Variants in DAAM1 observed in about 807,000 individuals in gnomAD.
DAAM1 encodes the protein dishevelled associated activator of morphogenesis 1.
A neutral mutation model predicts 130.0 loss-of-function variants in DAAM1; 52 were observed. The ratio of observed to expected loss-of-function variants is 0.40; its 90% confidence interval spans 0.32 to 0.50. The LOEUF is 0.50. Among genes scored for constraint, DAAM1 ranks in the 20% least tolerant of loss-of-function variants. The pLI is 0.61. For synonymous variants in DAAM1, 452 were observed against 444.5 expected, an observed-to-expected ratio of 1.02 and a Z score of -0.21; for missense variants, 1,134 against 1,303.8, an observed-to-expected ratio of 0.87 and a Z score of 2.01.
intron 1 of DAAM1, among the ~76,000 whole-genome samples, chr14:59,230,305 T>A (rs1028197824): frequency 4.2e-5 from 3 of 71,906 alleles, no homozygotes; most frequent in Non-Finnish European, 1.0e-4. Context: ...GCTTAGAGGC[T>A]TTTTTTTTTT....
chr14:59,253,344 G>A (rs918972449), intron 1 of DAAM1, among the ~76,000 whole-genome samples: 3 of 152,208 alleles, frequency 2.0e-5, no homozygotes, highest in South Asian at 2.1e-4. Flanking sequence ...AGGCATCTTC[G>A]TGAGAAAGTT....
intron 1 of DAAM1, among the ~76,000 whole-genome samples, chr14:59,232,505 A>G (rs1396518896): frequency 6.6e-6 from 1 of 152,166 alleles, no homozygotes; most frequent in Non-Finnish European, 1.5e-5. Context: ...AACATGTTGA[A>G]ATTCTGTACC....
chr14:59,229,316 T>G (rs1252982), intron 1 of DAAM1, among the ~76,000 whole-genome samples: 29,244 of 152,184 alleles, frequency 0.19, 3,363 homozygotes, highest in African/African-American at 0.31. Flanking sequence ...TTGTTACCTC[T>G]TTAGTCCTAA....
chr14:59,232,285 A>G (rs764412201), intron 1 of DAAM1, among the ~76,000 whole-genome samples: 1 of 152,190 alleles, frequency 6.6e-6, no homozygotes, highest in Non-Finnish European at 1.5e-5. Context: ...GAATATCGAA[A>G]CTACTGGTTC....
chr14:59,306,504 T>C (rs887773310), intron 3 of DAAM1, among the ~76,000 whole-genome samples: 5 of 152,188 alleles, frequency 3.3e-5, no homozygotes, highest in African/African-American at 4.8e-5. Flanking sequence ...GTATTAATGC[T>C]ATCACAGAGT....
chr14:59,348,317 G>A (rs182404905), intron 17 of DAAM1, among the ~76,000 whole-genome samples: 2 of 152,160 alleles, frequency 1.3e-5, no homozygotes, highest in Admixed American at 6.6e-5. Context: ...GCATTTCTTT[G>A]TAGCCTCTCC....
intron 5 of DAAM1, among the ~76,000 whole-genome samples, chr14:59,321,792 C>G (rs1364128041): frequency 1.3e-5 from 2 of 152,230 alleles, no homozygotes; most frequent in Non-Finnish European, 2.9e-5. Flanking sequence ...GAGATCTAGA[C>G]TATCCTAACT....
At chr14:59,253,288 C>T (rs189103065) in intron 1 of DAAM1, among the ~76,000 whole-genome samples, 305 of 152,286 alleles carry the variant, frequency 2.0e-3, no homozygotes, top group Non-Finnish European at 3.5e-3. Context: ...TCTGCGGCTG[C>T]CTATGTGATA....
intron 1 of DAAM1, among the ~76,000 whole-genome samples, chr14:59,256,867 A>T (rs1362038406): frequency 6.6e-6 from 1 of 152,158 alleles, no homozygotes; most frequent in Non-Finnish European, 1.5e-5. Flanking sequence ...TGTATTGAGG[A>T]GGTTCAGATC....
At position 59,330,521 on chromosome 14, in the gene DAAM1, A is replaced by C. The variant is rs191537212; in HGVS notation, c.1393A>C (p.Lys465Gln). 1 of 1,611,510 alleles carries C rather than the reference A, an allele frequency of 6.2e-7. No homozygotes were observed. Among genetic ancestry groups the C allele is most frequent in the Admixed American group, 1.7e-5 (1 of 59,518 alleles). ...TGTAGAGCACAATGAGCTACAACAG[A>C]AACTGGAAAAGAAAGAACGAGAATG... ...MRKEHNELQQ[K>Q]LEKKERECDA... is the part of the protein sequence containing the mutation. Residue 465 changes from lysine (K) to glutamine (Q), a missense_variant, in exon 13 of 25, where the codon AAA becomes CAA. By Grantham distance (53) the Lys-to-Gln change is moderately conservative. This residue lies in a region of DAAM1 where 391 missense variants were observed against 521.6 expected (regional missense o/e 0.75). Transcript: ENST00000360909.
intron 2 of DAAM1, among the ~76,000 whole-genome samples, chr14:59,275,042 C>G (rs1594793756): frequency 6.6e-6 from 1 of 152,168 alleles, no homozygotes; most frequent in Non-Finnish European, 1.5e-5. Flanking sequence ...AGCAGCCAAA[C>G]AATCCTCTTG....
At chr14:59,202,710 G>T (rs1888144921) in intron 1 of DAAM1, among the ~76,000 whole-genome samples, 1 of 152,150 alleles carries the variant, frequency 6.6e-6, no homozygotes, top group South Asian at 2.1e-4. Flanking sequence ...CCAATGAAAT[G>T]CTCTTTGCGT....
intron 18 of DAAM1, among the ~76,000 whole-genome samples, chr14:59,353,370 G>C (rs1231472321): frequency 6.6e-6 from 1 of 152,218 alleles, no homozygotes; most frequent in Non-Finnish European, 1.5e-5. Flanking sequence ...TTGCAGATGG[G>C]AGTGAGGAGA....
chr14:59,331,587 C>G, intron 14 of DAAM1, 79 bp downstream of exon 14: 1 of 1,513,152 alleles, frequency 6.6e-7, no homozygotes, highest in Non-Finnish European at 8.8e-7. Flanking sequence ...GGAAAACAGC[C>G]CTGGCTGTTA....
intron 1 of DAAM1, among the ~76,000 whole-genome samples, chr14:59,237,216 A>C (rs938110752): frequency 1.2e-4 from 18 of 152,240 alleles, no homozygotes; most frequent in Non-Finnish European, 5.9e-5. Flanking sequence ...AAATGTGAAC[A>C]TCTATTCTTG....
At chr14:59,283,457 C>T (rs867938224) in intron 2 of DAAM1, among the ~76,000 whole-genome samples, 2 of 152,140 alleles carry the variant, frequency 1.3e-5, no homozygotes, top group Non-Finnish European at 2.9e-5. Flanking sequence ...TCTGGTTGTT[C>T]ATTGTGTTGA....
intron 2 of DAAM1, among the ~76,000 whole-genome samples, chr14:59,280,346 G>T (rs544847253): frequency 1.3e-5 from 2 of 152,228 alleles, no homozygotes; most frequent in East Asian, 1.9e-4. Context: ...GAGGCTGGAG[G>T]ATGACTTGAG....
intron 2 of DAAM1, among the ~76,000 whole-genome samples, chr14:59,272,601 A>G (rs1214861358): frequency 2.3e-5 from 2 of 88,882 alleles, no homozygotes; most frequent in Non-Finnish European, 4.8e-5. Context: ...AACAAAATAT[A>G]TATATATACA....
At chr14:59,256,008 C>T (rs1344586699) in intron 1 of DAAM1, among the ~76,000 whole-genome samples, 1 of 145,932 alleles carries the variant, frequency 6.9e-6, no homozygotes, top group Admixed American at 6.8e-5. Context: ...TTCCACTAAA[C>T]CCCTCTAGCT....
Sources: gnomAD v4.1 joint callset for allele counts (sites outside exome capture counted in the v4.1 genomes callset) on GRCh38, gnomAD v4.1.1 for gene constraint, gnomAD v4.1.1 regional missense constraint, MANE v1.5 for transcripts, NCBI Gene and HGNC (gene_info 2026-07-23, HGNC 2026-07-21) for gene names.